Variants in C10orf90 observed in about 807,000 individuals in gnomAD.
C10orf90 encodes (E2-independent) E3 ubiquitin-conjugating enzyme FATS.
A neutral mutation model predicts 62.5 loss-of-function variants in C10orf90; 56 were observed. The observed-to-expected ratio is 0.90, with a 90% confidence interval of 0.72 to 1.12. The LOEUF (loss-of-function observed/expected upper bound fraction) is 1.12. C10orf90 is among the 50% of genes most tolerant of loss of function. The pLI is 0.00. For synonymous variants in C10orf90, 386 were observed against 340.4 expected (o/e 1.13, Z -1.47); for missense variants, 970 against 880.4 (o/e 1.10, Z -1.29).
At chr10:126,576,681 A>AAGATG (rs1844620928) in intron 2 of C10orf90, among the ~76,000 whole-genome samples, 1 of 85,132 alleles carries the variant, frequency 1.2e-5, no homozygotes, top group Non-Finnish European at 2.3e-5. Flanking sequence ...ATGTATACAT[A>AAGATG]TACATATACA....
At chr10:126,507,191 A>G (rs1177496985) in intron 3 of C10orf90, among the ~76,000 whole-genome samples, 1 of 151,998 alleles carries the variant, frequency 6.6e-6, no homozygotes, top group African/African-American at 2.4e-5. Context: ...CTCTGTCTCT[A>G]CTAAAAATAC....
At chr10:126,471,091 G>A (rs1860562691) in intron 4 of C10orf90, among the ~76,000 whole-genome samples, 2 of 152,212 alleles carry the variant, frequency 1.3e-5, no homozygotes, top group African/African-American at 4.8e-5. Context: ...GATAGCAAAT[G>A]GGATAAACAG....
At position 126,566,403 on chromosome 10, in the gene C10orf90, C is replaced by T. The variant is rs569000524; in HGVS notation, c.314-52464G>A. 2.0e-5 allele frequency among the ~76,000 whole-genome samples: 3 copies of T among 152,272 alleles called. No homozygotes were observed. The East Asian group carries it at 5.8e-4, about 29-fold the overall frequency. ...TCTTTACTCAGAGGAAGAGTATAGG[C>T]CTTCAGGGAACAAGAAAGAAAAACA... On this transcript the variant is annotated intron_variant, in intron 2 of 9. Transcript: ENST00000488181.
chr10:126,464,592 A>G, intron 5 of C10orf90, 104 bp downstream of exon 5: 1 of 1,255,806 alleles, frequency 8.0e-7, no homozygotes. Flanking sequence ...GGGAGGTTTC[A>G]TCAGGTGAAC....
At chr10:126,643,159 G>A (rs1307524640) in intron 2 of C10orf90, among the ~76,000 whole-genome samples, 1 of 152,208 alleles carries the variant, frequency 6.6e-6, no homozygotes, top group Admixed American at 6.5e-5. Context: ...AATAAATACA[G>A]ATTAAAAATA....
intron 9 of C10orf90, 39 bp from the exon 10 acceptor site, chr10:126,425,941 C>T (rs376334305): frequency 2.3e-5 from 37 of 1,613,538 alleles, no homozygotes; most frequent in Admixed American, 1.3e-4. Context: ...AGTTGAGATT[C>T]GGCATCTGTG....
At chr10:126,431,148 G>C (rs1267484645) in intron 7 of C10orf90, among the ~76,000 whole-genome samples, 6 of 152,172 alleles carry the variant, frequency 3.9e-5, no homozygotes, top group African/African-American at 1.2e-4. Flanking sequence ...CCAAAAACAA[G>C]GTTAATCTTG....
chr10:126,656,291 C>A (rs144838641), intron 1 of C10orf90, among the ~76,000 whole-genome samples: 11 of 152,210 alleles, frequency 7.2e-5, no homozygotes, highest in African/African-American at 1.9e-4. Flanking sequence ...TGATCAATAA[C>A]TTTTTGGGCT....
chr10:126,641,804 G>A (rs939315743), intron 2 of C10orf90, among the ~76,000 whole-genome samples: 1 of 152,236 alleles, frequency 6.6e-6, no homozygotes, highest in East Asian at 1.9e-4. Context: ...CTCCTTTCGT[G>A]TTCAGATCCT....
intron 2 of C10orf90, among the ~76,000 whole-genome samples, chr10:126,529,829 T>A (rs1864045608): frequency 6.6e-6 from 1 of 152,206 alleles, no homozygotes; most frequent in African/African-American, 2.4e-5. Flanking sequence ...ATACCTAACA[T>A]CTAGCAATTC....
chr10:126,468,182 C>T (rs1302523543), intron 4 of C10orf90, among the ~76,000 whole-genome samples: 6 of 151,830 alleles, frequency 4.0e-5, no homozygotes, highest in Non-Finnish European at 8.8e-5. Context: ...AATTCTCTTG[C>T]CTCAGCCTCC....
intron 2 of C10orf90, among the ~76,000 whole-genome samples, chr10:126,612,191 C>T (rs745352776): frequency 9.2e-5 from 14 of 152,242 alleles, no homozygotes; most frequent in East Asian, 1.9e-4. Flanking sequence ...CATGGAGGCG[C>T]GCACCTGTAA....
chr10:126,573,294 C>T (rs554761154), intron 2 of C10orf90, among the ~76,000 whole-genome samples: 1 of 152,296 alleles, frequency 6.6e-6, no homozygotes, highest in African/African-American at 2.4e-5. Context: ...AGTGCTTTTC[C>T]ATACAATGTC....
chr10:126,625,839 G>A (rs1204450384), intron 2 of C10orf90, among the ~76,000 whole-genome samples: 1 of 152,184 alleles, frequency 6.6e-6, no homozygotes, highest in Non-Finnish European at 1.5e-5. Flanking sequence ...GGTGGGCTGG[G>A]CGCAGTGGCT....
intron 2 of C10orf90, among the ~76,000 whole-genome samples, chr10:126,527,844 T>C (rs984837792): frequency 1.3e-5 from 2 of 152,214 alleles, no homozygotes; most frequent in Non-Finnish European, 2.9e-5. Flanking sequence ...GCATTGACCA[T>C]GGGCCAGGCA....
At chr10:126,524,567 T>C (rs1863876347) in intron 2 of C10orf90, 1 of 930,736 alleles carries the variant, frequency 1.1e-6, no homozygotes, top group Non-Finnish European at 1.3e-6. Flanking sequence ...AGCTGAAAGA[T>C]GAAAAGTTTG....
intron 2 of C10orf90, among the ~76,000 whole-genome samples, chr10:126,625,045 G>A (rs749810676): frequency 3.6e-4 from 55 of 152,326 alleles, no homozygotes; most frequent in African/African-American, 9.1e-4. Flanking sequence ...TGGGGCCCCC[G>A]TCCATGCTGA....
intron 7 of C10orf90, among the ~76,000 whole-genome samples, chr10:126,430,240 C>G (rs1590877494): frequency 6.6e-6 from 1 of 152,164 alleles, no homozygotes; most frequent in African/African-American, 2.4e-5. Context: ...AAATCCCCCA[C>G]CTATCCCTAG....
chr10:126,523,739 C>A lies in C10orf90; in HGVS notation c.314-9800G>T, dbSNP rs74158828. ...ATTAAACACTAACTCCCCCTTCCCA[C>A]CTTCCCCCAGCCCCTAACAACCACC... On this transcript the variant is annotated intron_variant, in intron 2 of 9. Transcript: ENST00000488181. 2.2e-3 allele frequency among the ~76,000 whole-genome samples: 340 copies of A among 151,974 alleles called. 2 individuals carry two copies. Among genetic ancestry groups the A allele is most frequent in the African/African-American group, 7.5e-3 (309 of 41,446 alleles).
Sources: gnomAD v4.1 joint callset for allele counts (sites outside exome capture counted in the v4.1 genomes callset) on GRCh38, gnomAD v4.1.1 for gene constraint, MANE v1.5 for transcripts, NCBI Gene and HGNC (gene_info 2026-07-23, HGNC 2026-07-21) for gene names.